ERBB4: variants seen among roughly 807,000 people sequenced by gnomAD.
ERBB4 encodes the protein receptor tyrosine-protein kinase erbB-4.
ERBB4 carries 42 observed loss-of-function variants against 158.0 expected under a neutral mutation model. That is an observed-to-expected ratio of 0.27 (90% CI 0.21 to 0.34). The LOEUF is 0.34. ERBB4 is among the 10% of genes least tolerant of loss of function. The pLI, the probability that ERBB4 is intolerant of heterozygous loss-of-function variation, is 1.00. For missense variants in ERBB4, 1,333 were observed against 1,624.1 expected (o/e 0.82, Z 3.08); for synonymous variants, 583 against 558.7 (o/e 1.04, Z -0.61).
chr2:211,379,185 T>G lies in ERBB4; in HGVS notation c.*4430A>C. 4.3e-6 allele frequency: 1 copy of G among 230,512 alleles called. No individual in the cohort carries two copies. Among genetic ancestry groups the G allele is most frequent in the Non-Finnish European group, 8.6e-6 (1 of 116,422 alleles). 14.3% of individuals were successfully genotyped at this position (230,512 alleles called of 1,614,324 possible). ...GAGAAAAGAAAGGACATATCACCAATTAACTGTATTTTGTTTGTTTGCTAG... is the reference window on the plus strand; with the variant it reads ...GAGAAAAGAAAGGACATATCACCAAGTAACTGTATTTTGTTTGTTTGCTAG... On this transcript the variant is annotated 3_prime_UTR_variant, in exon 28 of 28. Coordinates refer to ENST00000342788, the MANE Select transcript of ERBB4 (RefSeq NM_005235.3).
intron 1 of ERBB4, among the ~76,000 whole-genome samples, chr2:212,472,707 T>A (rs965212621): frequency 6.6e-6 from 1 of 151,754 alleles, no homozygotes; most frequent in African/African-American, 2.4e-5. Flanking sequence ...AATAAATTAC[T>A]AGAAAAAATG....
At chr2:211,461,489 G>C (rs56167621) in intron 20 of ERBB4, among the ~76,000 whole-genome samples, 5,205 of 152,108 alleles carry the variant, frequency 0.034, 289 homozygotes, top group African/African-American at 0.12. Flanking sequence ...TTCCTTTTTT[G>C]TAGTATGCAG....
Position 211,610,410 on chromosome 2 carries a change from A to G in ERBB4, c.2301+8767T>C, listed in dbSNP as rs957037537. ...TTAACTCTGGAAACAGATCATTAACAAAACCATTGAGGTTTGACATATTGG... is the reference window on the plus strand; with the variant it reads ...TTAACTCTGGAAACAGATCATTAACGAAACCATTGAGGTTTGACATATTGG... On this transcript the variant is annotated intron_variant, in intron 19 of 27. Coordinates refer to ENST00000342788, the MANE Select transcript of ERBB4 (RefSeq NM_005235.3). Among the ~76,000 whole-genome samples, 10 of 152,292 alleles carry G rather than the reference A, an allele frequency of 6.6e-5. No individual in the cohort carries two copies. The East Asian group carries it at 1.9e-3, about 29-fold the overall frequency.
intron 2 of ERBB4, among the ~76,000 whole-genome samples, chr2:212,118,138 T>C (rs535948209): frequency 3.9e-5 from 6 of 152,316 alleles, no homozygotes; most frequent in Admixed American, 2.6e-4. Flanking sequence ...ATTCTGGTCA[T>C]GTGCTTCTAA....
At chr2:211,706,009 T>G (rs896110302) in intron 9 of ERBB4, among the ~76,000 whole-genome samples, 11 of 152,206 alleles carry the variant, frequency 7.2e-5, no homozygotes, top group African/African-American at 2.4e-4. Flanking sequence ...ACACAGGAAC[T>G]ATTCGCTTCC....
At chr2:211,868,464 T>C (rs1013581468) in intron 3 of ERBB4, among the ~76,000 whole-genome samples, 3 of 152,182 alleles carry the variant, frequency 2.0e-5, no homozygotes, top group African/African-American at 4.8e-5. Flanking sequence ...TGAAGTGAAA[T>C]AGAATGGCTC....
intron 19 of ERBB4, among the ~76,000 whole-genome samples, chr2:211,595,391 C>T (rs1170707684): frequency 6.6e-6 from 1 of 151,448 alleles, no homozygotes; most frequent in African/African-American, 2.4e-5. Flanking sequence ...ACTAAGTTGA[C>T]AGAAAAGGGA....
At chr2:211,835,529 C>A (rs368920001) in intron 3 of ERBB4, among the ~76,000 whole-genome samples, 5 of 151,890 alleles carry the variant, frequency 3.3e-5, no homozygotes, top group African/African-American at 7.2e-5. Context: ...TTGAATGGTC[C>A]TAAAATTTCA....
intron 1 of ERBB4, among the ~76,000 whole-genome samples, chr2:212,183,445 T>C (rs1311277070): frequency 6.6e-6 from 1 of 151,996 alleles, no homozygotes; most frequent in Non-Finnish European, 1.5e-5. Context: ...TTCCTGGAAC[T>C]GCATATAACT....
At chr2:212,475,156 A>C (rs919957608) in intron 1 of ERBB4, among the ~76,000 whole-genome samples, 4 of 151,978 alleles carry the variant, frequency 2.6e-5, no homozygotes, top group African/African-American at 9.7e-5. Flanking sequence ...TACATCTCCA[A>C]CTTACTACTA....
At chr2:212,156,210 T>C (rs1374875180) in intron 1 of ERBB4, among the ~76,000 whole-genome samples, 4 of 152,086 alleles carry the variant, frequency 2.6e-5, no homozygotes, top group Admixed American at 2.6e-4. Context: ...GACATATATG[T>C]GGGAGCGTAA....
intron 2 of ERBB4, among the ~76,000 whole-genome samples, chr2:212,087,855 T>C (rs2078661749): frequency 6.6e-6 from 1 of 152,084 alleles, no homozygotes; most frequent in African/African-American, 2.4e-5. Flanking sequence ...ACTTGTGACT[T>C]TGGGCAATTT....
intron 2 of ERBB4, among the ~76,000 whole-genome samples, chr2:211,967,136 T>C (rs1020454584): frequency 1.3e-5 from 2 of 152,096 alleles, no homozygotes; most frequent in African/African-American, 4.8e-5. Context: ...ACAGAAACAA[T>C]TGCTCAAAAT....
At chr2:212,142,217 C>T (rs928754563) in intron 1 of ERBB4, among the ~76,000 whole-genome samples, 10 of 152,116 alleles carry the variant, frequency 6.6e-5, no homozygotes, top group Admixed American at 1.3e-4. Flanking sequence ...TCACTTATCA[C>T]CAGCTGCCAT....
intron 16 of ERBB4, among the ~76,000 whole-genome samples, chr2:211,634,256 T>C (rs1174366852): frequency 6.6e-6 from 1 of 152,230 alleles, no homozygotes; most frequent in Non-Finnish European, 1.5e-5. Flanking sequence ...TACTTTGCTT[T>C]TTTTTCAATT....
At chr2:212,343,304 C>T (rs1355184979) in intron 1 of ERBB4, among the ~76,000 whole-genome samples, 1 of 152,044 alleles carries the variant, frequency 6.6e-6, no homozygotes. Context: ...GAAGTCAATG[C>T]TGAGAGAGAG....
chr2:211,796,172 C>G (rs1306065814), intron 3 of ERBB4, among the ~76,000 whole-genome samples: 1 of 151,876 alleles, frequency 6.6e-6, no homozygotes, highest in South Asian at 2.1e-4. Flanking sequence ...CCTCATGTCA[C>G]TCTATCAGAA....
intron 1 of ERBB4, among the ~76,000 whole-genome samples, chr2:212,391,674 A>G (rs1277206622): frequency 2.3e-5 from 3 of 128,858 alleles, no homozygotes; most frequent in Admixed American, 7.9e-5. Context: ...ATTATATTTT[A>G]TATATATTAT....
intron 4 of ERBB4, among the ~76,000 whole-genome samples, chr2:211,772,986 G>T (rs1235504398): frequency 8.0e-6 from 1 of 125,386 alleles, no homozygotes; most frequent in Non-Finnish European, 1.6e-5. Flanking sequence ...GTCCTACTCT[G>T]TTGCCCAGGT....
Sources: allele counts gnomAD v4.1 joint callset (sites outside exome capture counted in the v4.1 genomes callset), GRCh38; gene constraint gnomAD v4.1.1; transcripts MANE v1.5; gene names NCBI Gene and HGNC (gene_info 2026-07-23, HGNC 2026-07-21).